COX19: variants seen among roughly 807,000 people sequenced by gnomAD.
The protein encoded by COX19 is cytochrome c oxidase assembly protein COX19.
A neutral mutation model predicts 6.8 loss-of-function variants in COX19; 8 were observed. The ratio of observed to expected loss-of-function variants is 1.18; its 90% confidence interval spans 0.69 to 2.12. The LOEUF (loss-of-function observed/expected upper bound fraction) is 2.12, where lower values mean the gene tolerates loss of function less well. Among genes scored for constraint, COX19 ranks in the 30% most tolerant of loss-of-function variants. The probability of loss-of-function intolerance (pLI) is 0.00; values close to 1 mark genes in which losing one functional copy is unlikely to be tolerated. For synonymous variants in COX19, 51 were observed against 38.0 expected (o/e 1.34, Z -1.26); for missense variants, 131 against 104.6 (o/e 1.25, Z -1.10).
At chr7:974,257 A>C (rs1847673173) in intron 1 of COX19, among the ~76,000 whole-genome samples, 2 of 151,040 alleles carry the variant, frequency 1.3e-5, no homozygotes, top group Non-Finnish European at 3.0e-5. Context: ...CTCTAAAAAA[A>C]AAAAAAAAAA....
chr7:971,356 G>T (rs1353599927), intron 2 of COX19, among the ~76,000 whole-genome samples: 1 of 152,152 alleles, frequency 6.6e-6, no homozygotes, highest in Non-Finnish European at 1.5e-5. Flanking sequence ...ACACACGGAG[G>T]TTGGAGTAAA....
rs762650817 is a variant in COX19, at chr7:975,523, G to C, written c.-14C>G. 3.3e-5 allele frequency: 52 copies of C among 1,597,968 alleles called. No homozygotes were observed. The highest frequency in any genetic ancestry group is 4.3e-5 in the Non-Finnish European group (51 of 1,173,646). On this transcript the variant is annotated 5_prime_UTR_variant, in exon 1 of 3. Coordinates refer to ENST00000344111, the MANE Select transcript of COX19 (RefSeq NM_001031617.3). ...GGCGGTCGACATGTTGGCGACTCCG[G>C]AGTCTGCGAGCGCCTTGCGAGCGTA...
At chr7:974,644 C>G (rs934771002) in intron 1 of COX19, among the ~76,000 whole-genome samples, 2 of 151,812 alleles carry the variant, frequency 1.3e-5, no homozygotes, top group Admixed American at 6.6e-5. Flanking sequence ...ATTCACAGAT[C>G]GTTTTTCTTT....
At chr7:971,743 C>T (rs936491168) in intron 2 of COX19, among the ~76,000 whole-genome samples, 7 of 152,086 alleles carry the variant, frequency 4.6e-5, no homozygotes, top group Admixed American at 3.3e-4. Flanking sequence ...AGGTGGCAGG[C>T]GCCTGTAGTC....
At chr7:971,836 G>A (rs1215201735) in intron 2 of COX19, among the ~76,000 whole-genome samples, 3 of 152,272 alleles carry the variant, frequency 2.0e-5, no homozygotes, top group South Asian at 2.1e-4. Context: ...ATGCCACTGC[G>A]CTCCAGCCCA....
intron 2 of COX19, among the ~76,000 whole-genome samples, chr7:969,683 C>G (rs1847608853): frequency 6.6e-6 from 1 of 152,144 alleles, no homozygotes; most frequent in South Asian, 2.1e-4. Flanking sequence ...GGCCTAAGGC[C>G]TGGGGCCTCT....
chr7:969,128 C>A lies in COX19; in HGVS notation c.*250G>T. On this transcript the variant is annotated 3_prime_UTR_variant, in exon 3 of 3. Coordinates refer to ENST00000344111, the MANE Select transcript of COX19 (RefSeq NM_001031617.3). Reference sequence around the variant, plus strand: ...CCGGCCTCGAAGACAAGGGTCTTGCCCCACGCTCGCCTCCCTCCCAGCTTT... The same window carrying A: ...CCGGCCTCGAAGACAAGGGTCTTGCACCACGCTCGCCTCCCTCCCAGCTTT... 1 of 460,424 alleles carries A rather than the reference C, an allele frequency of 2.2e-6. No individual in the cohort carries two copies. Among genetic ancestry groups the A allele is most frequent in the Non-Finnish European group, 3.9e-6 (1 of 257,920 alleles). 28.5% of individuals were successfully genotyped at this position (460,424 alleles called of 1,614,324 possible).
Position 975,301 on chromosome 7 carries a change from C to A in COX19, c.82+127G>T. On this transcript the variant is annotated intron_variant, in intron 1 of 2. Coordinates refer to ENST00000344111, the MANE Select transcript of COX19 (RefSeq NM_001031617.3). ...CCCAGGGCTGGGTGGGGCGGAGGGGCGGGCCGCCGTGCCTCAGTTTCCCCG... is the reference window on the plus strand; with the variant it reads ...CCCAGGGCTGGGTGGGGCGGAGGGGAGGGCCGCCGTGCCTCAGTTTCCCCG... The A allele has an allele frequency of 5.8e-6, 4 of 685,586 alleles. No individual in the cohort carries two copies. In the South Asian group the frequency reaches 6.1e-5, roughly 10 times the overall value. The allele number at this position is 685,586 out of a possible 1,614,324, so 42.5% of individuals were successfully genotyped here. A position where few individuals can be genotyped will look rare whatever the true frequency, so the allele number is the denominator to read the frequency against.
chr7:974,121 C>T (rs1211855099), intron 1 of COX19, among the ~76,000 whole-genome samples: 13 of 150,682 alleles, frequency 8.6e-5, no homozygotes, highest in Admixed American at 7.3e-4. Context: ...CGCTTGAACC[C>T]GGGAGGAGGA....
At chr7:972,183 G>T (rs191278724) in intron 2 of COX19, among the ~76,000 whole-genome samples, 1 of 152,190 alleles carries the variant, frequency 6.6e-6, no homozygotes, top group Non-Finnish European at 1.5e-5. Flanking sequence ...TCCAGCCAGC[G>T]TGCTACTTAA....
At chr7:971,766 G>A (rs147899195) in intron 2 of COX19, among the ~76,000 whole-genome samples, 2,198 of 152,312 alleles carry the variant, frequency 0.014, 21 homozygotes, top group Non-Finnish European at 0.02. Context: ...AGCTACTCGG[G>A]AGGCTGAGGT....
Position 965,454 on chromosome 7 carries a change from G to A in COX19, c.*3924C>T, listed in dbSNP as rs1046584182. Among the ~76,000 whole-genome samples the A allele has an allele frequency of 2.6e-5, 4 of 152,178 alleles. No homozygotes were observed. Among genetic ancestry groups the A allele is most frequent in the East Asian group, 1.9e-4 (1 of 5,188 alleles). On this transcript the variant is annotated 3_prime_UTR_variant, in exon 3 of 3. Coordinates refer to ENST00000344111, the MANE Select transcript of COX19 (RefSeq NM_001031617.3). ...GGGCAAGAGAACCAGAGGTGATACC[G>A]TGCCCTCAGGGACGCCCCCAGGTCG...
In COX19 at chr7:969,445, A is replaced by G. The variant is rs1238557349; in HGVS notation, c.206T>C (p.Leu69Pro). The change falls in exon 3 of 3, where the codon CTA becomes CCA. Residue 69 changes from leucine to proline, a missense_variant. By Grantham distance (98) the Leu-to-Pro change is moderately conservative. Coordinates refer to ENST00000344111, the MANE Select transcript of COX19 (RefSeq NM_001031617.3). ...LECRMERKLM[L>P]QEPLEKLGFG... is the part of the protein sequence containing the mutation. ...TCCCAGTTTCTCCAATGGTTCTTGT[A>G]GCATCAATTTTCTAAAAGAAAAAGA... 6.2e-7 allele frequency: 1 copy of G among 1,607,398 alleles called. No homozygotes were observed. The highest frequency in any genetic ancestry group is 2.2e-5 in the East Asian group (1 of 44,846).
intron 2 of COX19, among the ~76,000 whole-genome samples, chr7:971,058 T>A (rs985980720): frequency 2.0e-5 from 3 of 151,782 alleles, no homozygotes; most frequent in African/African-American, 7.3e-5. Flanking sequence ...TCCTTTACCC[T>A]CCCCACAACC....
At position 966,052 on chromosome 7, in the gene COX19, C is replaced by G. The variant is rs1213238182; in HGVS notation, c.*3326G>C. 3 of 152,354 alleles carry G rather than the reference C, an allele frequency of 2.0e-5. No individual in the cohort carries two copies. The highest frequency in any genetic ancestry group is 3.9e-4 in the East Asian group (2 of 5,182). 9.4% of individuals were successfully genotyped at this position (152,354 alleles called of 1,614,324 possible). A position where few individuals can be genotyped will look rare whatever the true frequency, so the allele number is the denominator to read the frequency against. The stretch of plus-strand genomic sequence containing the variant: ...AATAAGACAGACCTGGCCCTCCCCC[C>G]ACTGACATGTTTACGCAATTACTTA... On this transcript the variant is annotated 3_prime_UTR_variant, in exon 3 of 3. Transcript: ENST00000344111.
In COX19 at chr7:965,573, T is replaced by A. The variant is rs1185822494; in HGVS notation, c.*3805A>T. Among the ~76,000 whole-genome samples, 1 of 152,150 alleles carries A rather than the reference T, an allele frequency of 6.6e-6. No individual in the cohort carries two copies. Among genetic ancestry groups the A allele is most frequent in the Non-Finnish European group, 1.5e-5 (1 of 68,020 alleles). ...ACATGACTGTCTCCTCGGAGGTCAC[T>A]ATGCATCTCAAGGGGAGGTTTCTCA... On this transcript the variant is annotated 3_prime_UTR_variant, in exon 3 of 3. Coordinates refer to ENST00000344111, the MANE Select transcript of COX19 (RefSeq NM_001031617.3).
In COX19 at chr7:969,384, T is replaced by G; in HGVS notation, c.267A>C (p.Lys89Asn). Reference sequence around the variant, plus strand: ...GGGGTCTTCTCATCAAAATTCATTTTTTTGCCTCTGATTTTCCACTAGTCA... The same window carrying G: ...GGGGTCTTCTCATCAAAATTCATTTGTTTGCCTCTGATTTTCCACTAGTCA... ...GDLTSGKSEA[K>N]K The change falls in exon 3 of 3, where the codon AAA (lysine) becomes AAC (asparagine). Residue 89 changes from lysine to asparagine, a missense_variant. Lys to Asn is a moderately conservative substitution (Grantham distance 94). Coordinates refer to ENST00000344111, the MANE Select transcript of COX19 (RefSeq NM_001031617.3). 1.2e-6 allele frequency: 2 copies of G among 1,603,290 alleles called. No homozygotes were observed. Among genetic ancestry groups the G allele is most frequent in the Non-Finnish European group, 1.7e-6 (2 of 1,170,164 alleles).
chr7:973,407 C>A (rs923659799), intron 1 of COX19, 115 bp from the exon 2 acceptor site: 7 of 1,319,412 alleles, frequency 5.3e-6, no homozygotes, highest in South Asian at 5.0e-5. Context: ...TCAGGCCGGG[C>A]GCAGTGGTTC....
chr7:974,417 G>A (rs1583204598), intron 1 of COX19, among the ~76,000 whole-genome samples: 1 of 152,112 alleles, frequency 6.6e-6, no homozygotes, highest in East Asian at 1.9e-4. Context: ...GCAACAGAGT[G>A]AGACCGTGTC....
Sources: gnomAD v4.1 joint callset for allele counts (sites outside exome capture counted in the v4.1 genomes callset) on GRCh38, gnomAD v4.1.1 for gene constraint, MANE v1.5 for transcripts, NCBI Gene and HGNC (gene_info 2026-07-23, HGNC 2026-07-21) for gene names.